The following ETNK2 variants were observed in gnomAD, a reference collection of about 807,000 sequenced individuals.
ETNK2 encodes the protein ethanolamine kinase-like protein.
ETNK2 carries 33 observed loss-of-function variants against 46.2 expected under a neutral mutation model. The ratio of observed to expected loss-of-function variants is 0.71; its 90% CI spans 0.54 to 0.96. The LOEUF (loss-of-function observed/expected upper bound fraction) is 0.96, where lower values mean the gene tolerates loss of function less well. Among genes scored for constraint, ETNK2 ranks in the 40% least tolerant of loss-of-function variants. ETNK2 has a pLI of 0.00. For missense variants in ETNK2, 445 were observed against 509.7 expected (o/e 0.87, Z 1.22); for synonymous variants, 194 against 209.0 (o/e 0.93, Z 0.62).
chr1:204,147,012 G>C (rs969190810), intron 2 of ETNK2: 3 of 622,794 alleles, frequency 4.8e-6, no homozygotes, highest in Non-Finnish European at 9.2e-6. Context: ...GGCTGCCTCA[G>C]GGAGCAGAAG....
chr1:204,146,559 T>G, intron 3 of ETNK2, 83 bp downstream of exon 3: 1 of 1,557,376 alleles, frequency 6.4e-7, no homozygotes, highest in Non-Finnish European at 8.8e-7. Context: ...CCCTTAAACC[T>G]CCTAGCAGGG....
chr1:204,141,179 C>T (rs1278121504), intron 4 of ETNK2, 136 bp downstream of exon 4: 23 of 1,076,822 alleles, frequency 2.1e-5, no homozygotes, highest in Admixed American at 3.8e-5. Context: ...CCCCTTCCCT[C>T]CTACAAATTA....
At chr1:204,136,670 G>A (rs966594026) in intron 6 of ETNK2, among the ~76,000 whole-genome samples, 25 of 147,374 alleles carry the variant, frequency 1.7e-4, no homozygotes, top group Non-Finnish European at 3.7e-4. Context: ...CCGAGATAGC[G>A]CCATTGCACT....
rs1044688624 is a variant in ETNK2 at position 204,152,010 on chromosome 1, G to T, written c.-158C>A. 5 of 753,662 alleles carry T rather than the reference G, an allele frequency of 6.6e-6. No homozygotes were observed. Among genetic ancestry groups the T allele is most frequent in the Non-Finnish European group, 9.1e-6 (5 of 550,696 alleles). 46.7% of individuals were successfully genotyped at this position (753,662 alleles called of 1,614,324 possible). A position where few individuals can be genotyped will look rare whatever the true frequency, so the allele number is the denominator to read the frequency against. On this transcript the variant is annotated 5_prime_UTR_variant, in exon 1 of 8. Coordinates refer to ENST00000367202, the MANE Select transcript of ETNK2 (RefSeq NM_018208.4). The surrounding 1 kb of genome is among the most constrained non-coding windows in gnomAD (Gnocchi z 4.2). ...GCCGGCTCGCGGCCCGCCGCCCACC[G>T]CCGACCCCGGAGCGCCGCGGCCCGC... is the stretch of plus-strand genomic sequence containing the variant.
chr1:204,151,716 G>C lies in ETNK2; in HGVS notation c.137C>G (p.Pro46Arg). 3 of 1,542,100 alleles carry C rather than the reference G, an allele frequency of 1.9e-6. No homozygotes were observed. The highest frequency in any genetic ancestry group is 1.4e-5 in the African/African-American group (1 of 72,446). ...SASCREPPGP[P>R]RAAAVAYFGI... ...GAAGTACGCGACGGCGGCGGCCCTC[G>C]GGGGGCCCGGCGGCTCCCGGCAGCT... is the stretch of plus-strand genomic sequence containing the variant. The change falls in exon 1 of 8, where the codon CCG (proline) becomes CGG (arginine). Residue 46 changes from proline to arginine, a missense_variant. Pro to Arg is a moderately radical substitution (Grantham distance 103, BLOSUM62 -2). Coordinates refer to ENST00000367202, the MANE Select transcript of ETNK2 (RefSeq NM_018208.4). The surrounding 1 kb of genome is among the most constrained non-coding windows in gnomAD (Gnocchi z 8.0).
At chr1:204,143,239 T>C (rs1423032367) in intron 3 of ETNK2, among the ~76,000 whole-genome samples, 1 of 151,978 alleles carries the variant, frequency 6.6e-6, no homozygotes, top group East Asian at 1.9e-4. Flanking sequence ...TTTTTTTTTC[T>C]TGGACTGAGA....
At chr1:204,136,543 C>CTAAACTAAATATACAAAAAATACAAAA in intron 6 of ETNK2, among the ~76,000 whole-genome samples, 1 of 151,130 alleles carries the variant, frequency 6.6e-6, no homozygotes, top group South Asian at 2.1e-4. Context: ...AACCACGTCT[C>CTAAACTAAATATACAAAAAATACAAAA]TACTAAAAAT....
At chr1:204,136,447 C>T (rs1657288226) in intron 6 of ETNK2, among the ~76,000 whole-genome samples, 1 of 149,470 alleles carries the variant, frequency 6.7e-6, no homozygotes, top group Admixed American at 6.6e-5. Flanking sequence ...CAGTAGTTCA[C>T]TCCTATAATC....
At chr1:204,146,792 C>T (rs1230512761) in intron 2 of ETNK2, 28 bp from the exon 3 acceptor site, 9 of 1,613,644 alleles carry the variant, frequency 5.6e-6, no homozygotes, top group Non-Finnish European at 7.6e-6. Flanking sequence ...AAGAGTAGAG[C>T]ATCAGTGCTG....
At chr1:204,141,089 C>G (rs1224369475) in intron 4 of ETNK2, 10 of 639,542 alleles carry the variant, frequency 1.6e-5, no homozygotes, top group Non-Finnish European at 5.8e-6. Flanking sequence ...GCCTCCCAAA[C>G]TGCTGGGATT....
intron 5 of ETNK2, 90 bp downstream of exon 5, chr1:204,139,945 A>G: frequency 2.0e-6 from 2 of 1,013,512 alleles, no homozygotes; most frequent in Non-Finnish European, 3.1e-6. Context: ...GTAAATATAC[A>G]GTAATCTCAT....
chr1:204,134,654 T>G (rs773202231), intron 6 of ETNK2, 66 bp from the exon 7 acceptor site: 2 of 1,613,860 alleles, frequency 1.2e-6, no homozygotes, highest in South Asian at 2.2e-5. Flanking sequence ...TCTACAGCAC[T>G]GGAGGGATGC....
Position 204,141,501 on chromosome 1 carries a change from A to G in ETNK2, c.642-44T>C, listed in dbSNP as rs1657537334. On this transcript the variant is annotated intron_variant, in intron 3 of 7. Coordinates refer to ENST00000367202, the MANE Select transcript of ETNK2 (RefSeq NM_018208.4). ...GGTAGCCAGTGAAAGGAGGGCTGAT[A>G]GACAGGTGCTTGGCCTCAAGAGCCC... 4 of 1,548,116 alleles carry G rather than the reference A, an allele frequency of 2.6e-6. No individual in the cohort carries two copies. The East Asian group carries it at 7.3e-5, about 28-fold the overall frequency.
At chr1:204,136,257 G>A (rs980894484) in intron 6 of ETNK2, among the ~76,000 whole-genome samples, 2 of 151,380 alleles carry the variant, frequency 1.3e-5, no homozygotes, top group Non-Finnish European at 2.9e-5. Context: ...AATTAGCCGG[G>A]CATGGTGGCA....
chr1:204,140,028 CT>C lies in ETNK2; in HGVS notation c.868+6del. On this transcript the variant is annotated splice_donor_region_variant and intron_variant, in intron 5 of 7. Coordinates refer to ENST00000367202, the MANE Select transcript of ETNK2 (RefSeq NM_018208.4). Reference sequence around the variant, plus strand: ...AAAGCACATGACTGTAGAAATGCCCCTCTCACCTGCAAACTCATTGAAATGG... The same window carrying C: ...AAAGCACATGACTGTAGAAATGCCCCCTCACCTGCAAACTCATTGAAATGG... 1 of 1,612,886 alleles carries C rather than the reference CT, an allele frequency of 6.2e-7. No homozygotes were observed. Among genetic ancestry groups the C allele is most frequent in the African/African-American group, 1.3e-5 (1 of 75,038 alleles).
intron 4 of ETNK2, among the ~76,000 whole-genome samples, chr1:204,140,353 C>G (rs1657459592): frequency 6.6e-6 from 1 of 152,164 alleles, no homozygotes; most frequent in African/African-American, 2.4e-5. Context: ...CAGTGTCCCT[C>G]TCACACAGCT....
rs1657882928 is a variant in ETNK2, at chr1:204,148,578, A to T, written c.518+1125T>A. ...CCTCTCACACCCTCAAGACACACAC[A>T]CACACACACACACACACACACACAC... On this transcript the variant is annotated intron_variant, in intron 2 of 7. Coordinates refer to ENST00000367202, the MANE Select transcript of ETNK2 (RefSeq NM_018208.4). 1.6e-4 allele frequency among the ~76,000 whole-genome samples: 6 copies of T among 38,528 alleles called. No homozygotes were observed. The Admixed American group carries it at 1.8e-3, about 12-fold the overall frequency. 25.3% of individuals were successfully genotyped at this position (38,528 alleles called of 152,430 possible). A position where few individuals can be genotyped will look rare whatever the true frequency, so the allele number is the denominator to read the frequency against.
chr1:204,141,182 A>C, intron 4 of ETNK2, 133 bp downstream of exon 4: 1 of 1,122,204 alleles, frequency 8.9e-7, no homozygotes, highest in Non-Finnish European at 1.3e-6. Flanking sequence ...CTTCCCTCCT[A>C]CAAATTAACT....
chr1:204,140,805 G>A lies in ETNK2; in HGVS notation c.784+510C>T, dbSNP rs542453264. 1.0e-4 allele frequency among the ~76,000 whole-genome samples: 15 copies of A among 149,196 alleles called. No homozygotes were observed. The East Asian group carries it at 2.4e-3, about 24-fold the overall frequency. ...CCCAAAGTGCTGGGATTACAGGCAT[G>A]AGCCACCGCGCCTGGCCAGACTTTT... On this transcript the variant is annotated intron_variant, in intron 4 of 7. Transcript: ENST00000367202.
Sources: allele counts gnomAD v4.1 joint callset (sites outside exome capture counted in the v4.1 genomes callset), GRCh38; gene constraint gnomAD v4.1.1; non-coding constraint Gnocchi (gnomAD v3.1); transcripts MANE v1.5; gene names NCBI Gene and HGNC (gene_info 2026-07-23, HGNC 2026-07-21).